THADA: variants seen among roughly 807,000 people sequenced by gnomAD.
THADA encodes THADA armadillo repeat containing.
A neutral mutation model predicts 219.8 loss-of-function variants in THADA; 213 were observed. That is an observed-to-expected ratio of 0.97 (90% CI 0.87 to 1.09). The LOEUF is 1.09. Ranked by LOEUF, THADA falls within the 50% of genes least tolerant of loss-of-function variation. The probability of loss-of-function intolerance (pLI) is 0.00; values close to 1 mark genes in which losing one functional copy is unlikely to be tolerated. For synonymous variants in THADA, 1,018 were observed against 828.9 expected (o/e 1.23, Z -3.92); for missense variants, 2,956 against 2,311.3 (o/e 1.28, Z -5.72).
rs555774079 is a variant in THADA at position 43,245,625 on chromosome 2, T to C, written c.5297-12743A>G. ...TCAACCCTCTGAGCTTACTCAGGGC[T>C]TCAGGTGGGAGAGAGGAAAAGCAAA... On this transcript the variant is annotated intron_variant, in intron 36 of 37. Coordinates refer to ENST00000405975, the MANE Select transcript of THADA (RefSeq NM_022065.5). 2.9e-3 allele frequency among the ~76,000 whole-genome samples: 446 copies of C among 152,286 alleles called. 1 individual carries two copies. Among genetic ancestry groups the C allele is most frequent in the South Asian group, 6.2e-3 (30 of 4,826 alleles).
At chr2:43,454,631 T>G (rs764646588) in intron 26 of THADA, among the ~76,000 whole-genome samples, 6 of 140,530 alleles carry the variant, frequency 4.3e-5, no homozygotes, top group Non-Finnish European at 6.4e-5. Flanking sequence ...ACACACACAC[T>G]AAATTACACA....
chr2:43,443,233 C>A (rs1220439451), intron 26 of THADA, among the ~76,000 whole-genome samples: 3 of 152,024 alleles, frequency 2.0e-5, no homozygotes, highest in Admixed American at 2.0e-4. Flanking sequence ...GTGAGTGAAG[C>A]GAAACACAAG....
chr2:43,255,798 C>T (rs903181724), intron 36 of THADA, among the ~76,000 whole-genome samples: 2 of 152,208 alleles, frequency 1.3e-5, no homozygotes, highest in African/African-American at 4.8e-5. Flanking sequence ...CAGGACTTTG[C>T]TCAGCAAAAG....
At chr2:43,275,606 T>C (rs745309627) in intron 36 of THADA, among the ~76,000 whole-genome samples, 3 of 152,164 alleles carry the variant, frequency 2.0e-5, no homozygotes, top group Non-Finnish European at 4.4e-5. Flanking sequence ...CTCTCTGCAG[T>C]ATTTCCAGCT....
chr2:43,454,628 C>CA (rs1308542043), intron 26 of THADA, among the ~76,000 whole-genome samples: 2 of 151,792 alleles, frequency 1.3e-5, no homozygotes, highest in African/African-American at 4.8e-5. Context: ...CACACACACA[C>CA]ACTAAATTAC....
intron 10 of THADA, 141 bp from the exon 11 acceptor site, chr2:43,575,168 C>T (rs1022238879): frequency 2.9e-6 from 2 of 691,658 alleles, no homozygotes; most frequent in African/African-American, 3.6e-5. Flanking sequence ...GAACAAAAAA[C>T]TACAAGTAAA....
intron 26 of THADA, among the ~76,000 whole-genome samples, chr2:43,462,882 T>C (rs1683803030): frequency 6.6e-6 from 1 of 152,176 alleles, no homozygotes; most frequent in Non-Finnish European, 1.5e-5. Context: ...AGAGACTCAA[T>C]TATTTGGGCA....
At position 43,505,623 on chromosome 2, in the gene THADA, TG is replaced by T. The variant is rs1456011549; in HGVS notation, c.3619del (p.Gln1207ArgfsTer5). 1.3e-6 allele frequency: 2 copies of T among 1,579,134 alleles called. No homozygotes were observed. The highest frequency in any genetic ancestry group is 2.2e-5 in the East Asian group (1 of 44,504). On this transcript the variant is annotated frameshift_variant and splice_region_variant, in exon 24 of 38. Coordinates refer to ENST00000405975, the MANE Select transcript of THADA (RefSeq NM_022065.5). LOFTEE classifies it high-confidence loss of function. ...GGGTTTGTGTATTTCCATGATTACC[TG>T]GGGGACTGTACTCTGTATGTCATCT... ...PTDDIQSTVP[Q>X]VHALNILRAL...
At chr2:43,586,541 T>C in intron 6 of THADA, 92 bp from the exon 7 acceptor site, 12 of 1,340,288 alleles carry the variant, frequency 9.0e-6, no homozygotes, top group Non-Finnish European at 1.0e-5. Flanking sequence ...TTATCCAAAA[T>C]GATATCATGA....
intron 10 of THADA, 87 bp from the exon 11 acceptor site, chr2:43,575,114 T>A: frequency 9.4e-7 from 1 of 1,060,220 alleles, no homozygotes; most frequent in Non-Finnish European, 1.3e-6. Flanking sequence ...TTAAAAATAT[T>A]AAATACACAG....
chr2:43,563,577 T>C (rs1188046109), intron 15 of THADA: 1 of 152,218 alleles, frequency 6.6e-6, no homozygotes, highest in African/African-American at 2.4e-5. Flanking sequence ...GCACCTTGTT[T>C]GGGACTGTGA....
chr2:43,279,676 C>G, intron 36 of THADA, 89 bp downstream of exon 36: 1 of 1,451,370 alleles, frequency 6.9e-7, no homozygotes, highest in African/African-American at 1.5e-5. Flanking sequence ...ACCAACAATG[C>G]CTAAGATACT....
intron 26 of THADA, among the ~76,000 whole-genome samples, chr2:43,471,931 A>C (rs907862219): frequency 2.0e-5 from 3 of 152,228 alleles, no homozygotes; most frequent in African/African-American, 7.2e-5. Flanking sequence ...ATACATAATG[A>C]AGATATTAGA....
At chr2:43,324,755 T>A (rs1458175310) in intron 30 of THADA, among the ~76,000 whole-genome samples, 2 of 152,168 alleles carry the variant, frequency 1.3e-5, no homozygotes, top group Admixed American at 1.3e-4. Flanking sequence ...GGGAACAAAA[T>A]CCCGAAGAGC....
At chr2:43,405,036 A>AC (rs1675363649) in intron 28 of THADA, among the ~76,000 whole-genome samples, 1 of 152,230 alleles carries the variant, frequency 6.6e-6, no homozygotes, top group African/African-American at 2.4e-5. Flanking sequence ...CCTGGCCTGT[A>AC]CCAAACAGGC....
At chr2:43,419,033 GC>G (rs1313695886) in intron 28 of THADA, among the ~76,000 whole-genome samples, 2 of 152,148 alleles carry the variant, frequency 1.3e-5, no homozygotes, top group Admixed American at 1.3e-4. Flanking sequence ...TTTTCCTAGA[GC>G]CTGGCTATAA....
intron 23 of THADA, among the ~76,000 whole-genome samples, chr2:43,506,450 C>T (rs1421056075): frequency 4.6e-5 from 7 of 151,986 alleles, no homozygotes; most frequent in African/African-American, 7.2e-5. Flanking sequence ...GAAAACATTA[C>T]GATAAGTGAA....
At chr2:43,284,285 C>G (rs969331095) in intron 35 of THADA, among the ~76,000 whole-genome samples, 6 of 152,168 alleles carry the variant, frequency 3.9e-5, no homozygotes, top group Admixed American at 3.3e-4. Flanking sequence ...GGCCAGGAGG[C>G]CTAGGAAGAA....
intron 30 of THADA, among the ~76,000 whole-genome samples, chr2:43,335,740 C>T (rs1398577465): frequency 6.8e-6 from 1 of 147,404 alleles, no homozygotes; most frequent in South Asian, 2.2e-4. Flanking sequence ...AGGAGGATCA[C>T]TTAAGGCCAG....
Sources: gnomAD v4.1 joint callset for allele counts (sites outside exome capture counted in the v4.1 genomes callset) on GRCh38, gnomAD v4.1.1 for gene constraint, MANE v1.5 for transcripts, NCBI Gene and HGNC (gene_info 2026-07-23, HGNC 2026-07-21) for gene names.